The following ANXA8 variants were observed in gnomAD, a reference collection of about 807,000 sequenced individuals.
The protein encoded by ANXA8 is annexin A8, also known as VAC-beta.
Under a neutral mutation model 26.8 loss-of-function variants are expected in ANXA8, and 9 were observed. That is an observed-to-expected ratio of 0.34 (90% confidence interval 0.20 to 0.59). The LOEUF (loss-of-function observed/expected upper bound fraction) is 0.59, where lower values mean the gene tolerates loss of function less well. Among genes scored for constraint, ANXA8 ranks in the 20% least tolerant of loss-of-function variants. The pLI, the probability that ANXA8 is intolerant of heterozygous loss-of-function variation, is 0.84. For missense variants in ANXA8, 83 were observed against 238.5 expected, an observed-to-expected ratio of 0.35 and a Z score of 4.29; for synonymous variants, 39 against 94.8, an observed-to-expected ratio of 0.41 and a Z score of 3.42.
chr10:47,527,790 T>C, the ANXA8 span, among the ~76,000 whole-genome samples: 1 of 143,606 alleles, frequency 7.0e-6, no homozygotes, highest in African/African-American at 2.6e-5. Context: ...TAAAGGGAGA[T>C]ATGTGGTAAA....
the ANXA8 span, among the ~76,000 whole-genome samples, chr10:47,622,569 T>C: frequency 1.1e-5 from 1 of 88,436 alleles, no homozygotes; most frequent in Non-Finnish European, 2.3e-5. Context: ...TACTTACCTA[T>C]TGTTTCCTGA....
At chr10:47,762,009 T>C in the ANXA8 span, among the ~76,000 whole-genome samples, 3 of 135,758 alleles carry the variant, frequency 2.2e-5, no homozygotes, top group African/African-American at 8.2e-5. Context: ...TGGGCTCCTG[T>C]TGAGGCCAGG....
the ANXA8 span, among the ~76,000 whole-genome samples, chr10:47,551,087 AG>A: frequency 6.6e-6 from 1 of 151,578 alleles, no homozygotes; most frequent in Non-Finnish European, 1.5e-5. Context: ...AATAGTATAG[AG>A]TTGAAAATTA....
At chr10:47,596,692 G>A in the ANXA8 span, among the ~76,000 whole-genome samples, 1 of 143,918 alleles carries the variant, frequency 6.9e-6, no homozygotes, top group Admixed American at 6.8e-5. Context: ...ATACGTTCCT[G>A]GAAACACACA....
At chr10:47,778,585 G>C in the ANXA8 span, among the ~76,000 whole-genome samples, 3 of 151,784 alleles carry the variant, frequency 2.0e-5, no homozygotes, top group Admixed American at 6.6e-5. Context: ...GCCTCAGTTT[G>C]TGGTACAGAA....
the ANXA8 span, among the ~76,000 whole-genome samples, chr10:47,650,116 G>A: frequency 6.7e-6 from 1 of 148,464 alleles, no homozygotes; most frequent in South Asian, 2.1e-4. Context: ...GCTGAGGCAC[G>A]AGAATCTCTT....
chr10:47,548,299 G>A, the ANXA8 span, among the ~76,000 whole-genome samples: 1 of 144,574 alleles, frequency 6.9e-6, no homozygotes, highest in Non-Finnish European at 1.5e-5. Flanking sequence ...TTATTTTTTT[G>A]CTAATTTTTT....
chr10:47,491,725 T>C, the ANXA8 span: 1 of 1,545,292 alleles, frequency 6.5e-7, no homozygotes, highest in Non-Finnish European at 8.7e-7. Context: ...TGGCCCAACA[T>C]GCTTTTATAG....
the ANXA8 span, among the ~76,000 whole-genome samples, chr10:47,907,765 CAA>C: frequency 1.3e-3 from 35 of 27,144 alleles, 12 homozygotes; most frequent in African/African-American, 6.3e-3. Flanking sequence ...GAGACTGTCT[CAA>C]AAAAAAAAAA....
chr10:47,769,371 A>C, the ANXA8 span, among the ~76,000 whole-genome samples: 1 of 149,378 alleles, frequency 6.7e-6, no homozygotes, highest in South Asian at 2.1e-4. Flanking sequence ...GAGGAGGCTG[A>C]CCATGGCACC....
the ANXA8 span, among the ~76,000 whole-genome samples, chr10:47,699,041 G>A: frequency 8.6e-5 from 13 of 151,646 alleles, no homozygotes; most frequent in South Asian, 4.2e-4. Context: ...ATCAGCTAAC[G>A]CACTTAGACA....
chr10:47,551,064 A>T, the ANXA8 span, among the ~76,000 whole-genome samples: 3 of 151,026 alleles, frequency 2.0e-5, no homozygotes, highest in East Asian at 6.0e-4. Context: ...TAAAGATGTA[A>T]CAAGATGACT....
chr10:47,664,550 A>G, the ANXA8 span, among the ~76,000 whole-genome samples: 1 of 150,714 alleles, frequency 6.6e-6, no homozygotes, highest in Non-Finnish European at 1.5e-5. Flanking sequence ...CCTGGGCTAC[A>G]AGAGTGAGAC....
At chr10:47,976,323 A>G in the ANXA8 span, among the ~76,000 whole-genome samples, 105 of 151,018 alleles carry the variant, frequency 7.0e-4, 2 homozygotes, top group East Asian at 0.018. Context: ...CAAGAAACAC[A>G]GCTGAATCTC....
chr10:47,873,275 T>TG, the ANXA8 span, among the ~76,000 whole-genome samples: 1 of 142,384 alleles, frequency 7.0e-6, no homozygotes, highest in African/African-American at 2.5e-5. Context: ...GATGAGTCTG[T>TG]GGGGGGCCTC....
At chr10:47,735,115 T>C in the ANXA8 span, among the ~76,000 whole-genome samples, 2 of 151,176 alleles carry the variant, frequency 1.3e-5, no homozygotes, top group East Asian at 3.9e-4. Context: ...TTTTGCCTTT[T>C]TTGAGAGACG....
chr10:47,664,499 C>T, the ANXA8 span, among the ~76,000 whole-genome samples: 3 of 151,262 alleles, frequency 2.0e-5, no homozygotes, highest in Non-Finnish European at 2.9e-5. Flanking sequence ...ACTCGGGAGG[C>T]GGAGGTTGCA....
chr10:47,929,958 C>A, the ANXA8 span, among the ~76,000 whole-genome samples: 1 of 152,172 alleles, frequency 6.6e-6, no homozygotes, highest in Non-Finnish European at 1.5e-5. Context: ...ATACTCAGGG[C>A]AAATTTCACA....
the ANXA8 span, among the ~76,000 whole-genome samples, chr10:47,671,403 C>A: frequency 2.0e-5 from 3 of 151,922 alleles, no homozygotes; most frequent in East Asian, 5.8e-4. Context: ...GCCTGGGCAA[C>A]AGGACAAGAC....
Sources: allele counts gnomAD v4.1 joint callset (sites outside exome capture counted in the v4.1 genomes callset), GRCh38; gene constraint gnomAD v4.1.1; transcripts MANE v1.5; gene names NCBI Gene and HGNC (gene_info 2026-07-23, HGNC 2026-07-21).